The following GGTA1 variants were observed in gnomAD, a reference collection of about 807,000 sequenced individuals.
The protein encoded by GGTA1 is glycoprotein alpha-galactosyltransferase 1 (inactive), also known as inactive N-acetyllactosaminide alpha-1,3-galactosyltransferase.
GGTA1 carries 5 observed loss-of-function variants against 2.6 expected under a neutral mutation model. That is an observed-to-expected ratio of 1.92 (90% CI 1.00 to 4.04). GGTA1 has a LOEUF of 4.04. Among genes scored for constraint, GGTA1 ranks in the 30% most tolerant of loss-of-function variants. The pLI is 0.00. For synonymous variants in GGTA1, 17 were observed against 5.0 expected (o/e 3.38, Z -3.19); for missense variants, 50 against 16.7 (o/e 2.99, Z -3.47).
At chr9:121,498,469 C>T (rs1021385571) in intron 1 of GGTA1, among the ~76,000 whole-genome samples, 6 of 152,220 alleles carry the variant, frequency 3.9e-5, no homozygotes, top group Admixed American at 2.0e-4. Flanking sequence ...CCCCCCACTC[C>T]CAGAGCCCTC....
At position 121,476,045 on chromosome 9, in the gene GGTA1, T is replaced by C. The variant is rs1198654493; in HGVS notation, c.-9-8114A>G. 1.3e-5 allele frequency among the ~76,000 whole-genome samples: 2 copies of C among 152,226 alleles called. No individual in the cohort carries two copies. Among genetic ancestry groups the C allele is most frequent in the Non-Finnish European group, 2.9e-5 (2 of 68,036 alleles). ...TTGAAAGCATACTGTGCCCATGGTC[T>C]GTTAATGCCCCCCACACAGTACCTA... On this transcript the variant is annotated intron_variant, in intron 1 of 5. Coordinates refer to ENST00000481799, the MANE Select transcript of GGTA1 (RefSeq NM_001382585.1). This position sits in a 1 kb window ranked among gnomAD's most constrained non-coding sequence, Gnocchi z 4.6.
At chr9:121,480,901 C>T (rs1006823019) in intron 1 of GGTA1, among the ~76,000 whole-genome samples, 2 of 152,084 alleles carry the variant, frequency 1.3e-5, no homozygotes, top group Non-Finnish European at 2.9e-5. Context: ...GGCCTGTAAT[C>T]CCAGCACTTT....
intron 5 of GGTA1, among the ~76,000 whole-genome samples, chr9:121,457,740 G>T (rs2064925203): frequency 6.7e-6 from 1 of 150,038 alleles, no homozygotes; most frequent in Admixed American, 6.6e-5. Flanking sequence ...ACAGAGAAGA[G>T]GTTGCTGGAC....
At chr9:121,480,598 C>A (rs950164016) in intron 1 of GGTA1, among the ~76,000 whole-genome samples, 1 of 152,066 alleles carries the variant, frequency 6.6e-6, no homozygotes, top group African/African-American at 2.4e-5. Flanking sequence ...AAGGACTGGC[C>A]CCCCGGTCGC....
intron 1 of GGTA1, among the ~76,000 whole-genome samples, chr9:121,480,639 C>T (rs1006485970): frequency 3.3e-5 from 5 of 152,294 alleles, no homozygotes; most frequent in Middle Eastern, 3.4e-3. Flanking sequence ...CTCTTCCTCC[C>T]GTTCCCCAGA....
intron 1 of GGTA1, among the ~76,000 whole-genome samples, chr9:121,473,466 G>C (rs1589333061): frequency 6.6e-6 from 1 of 152,276 alleles, no homozygotes; most frequent in East Asian, 1.9e-4. Context: ...TGGCAGGGTG[G>C]CCAATGGGTC....
At chr9:121,448,492 C>T (rs1471618525) in intron 7 of GGTA1, among the ~76,000 whole-genome samples, 3 of 152,068 alleles carry the variant, frequency 2.0e-5, no homozygotes, top group African/African-American at 4.8e-5. Context: ...CTAGTCCATC[C>T]GAATACTAGA....
Position 121,489,210 on chromosome 9 carries a change from A to AT in GGTA1, c.-10+10439dup, listed in dbSNP as rs1206140042. ...AATTACTTTATTATATTTTATATAT[A>AT]TTTTTTTGAGACAGGGTCTCACTCT... On this transcript the variant is annotated intron_variant, in intron 1 of 5. Coordinates refer to ENST00000481799, the MANE Select transcript of GGTA1 (RefSeq NM_001382585.1). 3.9e-5 allele frequency among the ~76,000 whole-genome samples: 6 copies of AT among 152,126 alleles called. No homozygotes were observed. In the East Asian group the frequency reaches 1.2e-3, roughly 29 times the overall value.
intron 4 of GGTA1, among the ~76,000 whole-genome samples, chr9:121,460,510 C>A (rs1370944420): frequency 6.6e-6 from 1 of 152,142 alleles, no homozygotes; most frequent in East Asian, 1.9e-4. Flanking sequence ...TAAGACAATT[C>A]TTCTAAGAAC....
At chr9:121,487,863 G>A (rs1320817738) in intron 1 of GGTA1, among the ~76,000 whole-genome samples, 7 of 151,938 alleles carry the variant, frequency 4.6e-5, no homozygotes, top group East Asian at 2.0e-4. Flanking sequence ...TTACAGGTGC[G>A]TGCCACCACG....
At chr9:121,488,400 C>T (rs10117389) in intron 1 of GGTA1, among the ~76,000 whole-genome samples, 33,160 of 152,034 alleles carry the variant, frequency 0.22, 4,317 homozygotes, top group Non-Finnish European at 0.3. Flanking sequence ...CTGAACCAAA[C>T]GCAAGGGTTA....
Position 121,476,408 on chromosome 9 carries a change from C to T in GGTA1, c.-9-8477G>A, listed in dbSNP as rs1042972843. ...ACACAGTGCCAGCTTTCTAAACTGGCGTCACGAGTTTCTCTGGCCTCAGAC... is the reference window on the plus strand; with the variant it reads ...ACACAGTGCCAGCTTTCTAAACTGGTGTCACGAGTTTCTCTGGCCTCAGAC... On this transcript the variant is annotated intron_variant, in intron 1 of 5. Coordinates refer to ENST00000481799, the MANE Select transcript of GGTA1 (RefSeq NM_001382585.1). The surrounding 1 kb of genome is among the most constrained non-coding windows in gnomAD (Gnocchi z 4.6). 2.0e-5 allele frequency among the ~76,000 whole-genome samples: 3 copies of T among 152,114 alleles called. No individual in the cohort carries two copies. Among genetic ancestry groups the T allele is most frequent in the African/African-American group, 7.2e-5 (3 of 41,406 alleles).
chr9:121,452,725 G>A (rs2064884678), downstream of GGTA1, among the ~76,000 whole-genome samples: 1 of 151,946 alleles, frequency 6.6e-6, no homozygotes, highest in Non-Finnish European at 1.5e-5. Flanking sequence ...CACCATGTTG[G>A]CCAGGCTGCT....
intron 1 of GGTA1, among the ~76,000 whole-genome samples, chr9:121,473,234 C>T (rs1289106770): frequency 6.8e-6 from 1 of 147,534 alleles, no homozygotes; most frequent in Non-Finnish European, 1.5e-5. Context: ...GCAGGAGAAT[C>T]ACTTGAACCC....
intron 5 of GGTA1, among the ~76,000 whole-genome samples, chr9:121,457,711 A>AAAAAAC (rs1209109383): frequency 6.7e-6 from 1 of 149,260 alleles, no homozygotes; most frequent in Admixed American, 6.6e-5. Context: ...AAAAAAAAAA[A>AAAAAAC]AAAAACAGTA....
intron 1 of GGTA1, among the ~76,000 whole-genome samples, chr9:121,478,452 G>A (rs902881657): frequency 6.6e-6 from 1 of 152,184 alleles, no homozygotes; most frequent in African/African-American, 2.4e-5. Context: ...AGAAGTCTTG[G>A]TGCCAGATTT....
At chr9:121,486,679 G>A (rs777448703) in intron 1 of GGTA1, among the ~76,000 whole-genome samples, 4 of 152,182 alleles carry the variant, frequency 2.6e-5, no homozygotes, top group Non-Finnish European at 5.9e-5. Context: ...CCCTACAAAT[G>A]TCTTAATCTT....
intron 7 of GGTA1, among the ~76,000 whole-genome samples, chr9:121,449,857 A>AAAG (rs1554835874): frequency 2.6e-5 from 4 of 151,438 alleles, no homozygotes; most frequent in Non-Finnish European, 5.9e-5. Context: ...AAAAAAAAAA[A>AAAG]AAGAAGAAGA....
intron 4 of GGTA1, 138 bp downstream of exon 4, chr9:121,461,114 C>CA: frequency 2.9e-6 from 1 of 349,936 alleles, no homozygotes; most frequent in South Asian, 2.2e-5. Flanking sequence ...GTCCCACTCA[C>CA]AAAATATTCT....
Sources: allele counts gnomAD v4.1 joint callset (sites outside exome capture counted in the v4.1 genomes callset), GRCh38; gene constraint gnomAD v4.1.1; non-coding constraint Gnocchi (gnomAD v3.1); transcripts MANE v1.5; gene names NCBI Gene and HGNC (gene_info 2026-07-23, HGNC 2026-07-21).